Variants in TMA7 observed in about 807,000 individuals in gnomAD.
TMA7 encodes the protein translation machinery-associated protein 7.
In TMA7, 5 loss-of-function variants were observed where a neutral mutation model predicts 12.5. The ratio of observed to expected loss-of-function variants is 0.40; its 90% CI spans 0.21 to 0.84. The LOEUF (loss-of-function observed/expected upper bound fraction) is 0.84, where lower values mean the gene tolerates loss of function less well. Among genes scored for constraint, TMA7 ranks in the 40% least tolerant of loss-of-function variants. The pLI is 0.36. For missense variants in TMA7, 71 were observed against 75.4 expected (o/e 0.94, Z 0.22); for synonymous variants, 36 against 28.1 (o/e 1.28, Z -0.89).
intron 3 of TMA7, among the ~76,000 whole-genome samples, chr3:48,442,782 C>T (rs533484838): frequency 3.3e-5 from 5 of 152,214 alleles, no homozygotes; most frequent in South Asian, 2.1e-4. Flanking sequence ...TCGCCTACTG[C>T]GTTCCACATA....
In TMA7 at chr3:48,440,636, G is replaced by A; in HGVS notation, c.160+8G>A. On this transcript the variant is annotated splice_region_variant and intron_variant, in intron 3 of 3. Coordinates refer to ENST00000438607, the MANE Select transcript of TMA7 (RefSeq NM_015933.6). ...CGGGGAAGGGGCCCTTGGGTAAGTG[G>A]GGGCCGAATGGAGCTCAAGCTGGCC... The A allele has an allele frequency of 6.2e-7, 1 of 1,609,246 alleles. No individual in the cohort carries two copies. Among genetic ancestry groups the A allele is most frequent in the Non-Finnish European group, 8.5e-7 (1 of 1,178,706 alleles).
intron 3 of TMA7, among the ~76,000 whole-genome samples, chr3:48,443,194 T>C (rs1274361636): frequency 2.2e-5 from 3 of 134,736 alleles, no homozygotes; most frequent in African/African-American, 8.6e-5. Flanking sequence ...TGAGCCAAAA[T>C]TGCACCACCG....
intron 3 of TMA7, among the ~76,000 whole-genome samples, chr3:48,442,279 A>G (rs1575431328): frequency 7.0e-6 from 1 of 142,816 alleles, no homozygotes; most frequent in East Asian, 2.0e-4. Flanking sequence ...AAAAAAAAAA[A>G]GGTATCTTGC....
In TMA7 at chr3:48,444,035, A is replaced by G. The variant is rs1242095269; in HGVS notation, c.*153A>G. The G allele has an allele frequency of 5.4e-6, 3 of 551,644 alleles. No individual in the cohort carries two copies. The highest frequency in any genetic ancestry group is 4.3e-5 in the Admixed American group (1 of 23,112). 34.2% of individuals were successfully genotyped at this position (551,644 alleles called of 1,614,324 possible). ...TTTAAGAATAAACTTTTGTAAAAAA[A>G]GAAAAATCTTACAGTGGCTCATCAT... On this transcript the variant is annotated 3_prime_UTR_variant, in exon 4 of 4. Transcript: ENST00000438607.
intron 3 of TMA7, among the ~76,000 whole-genome samples, chr3:48,442,837 A>G (rs2039600387): frequency 6.6e-6 from 1 of 152,222 alleles, no homozygotes; most frequent in Non-Finnish European, 1.5e-5. Flanking sequence ...TGCCAGGATC[A>G]TAATATGGAA....
intron 3 of TMA7, among the ~76,000 whole-genome samples, chr3:48,442,736 C>T (rs1009233644): frequency 6.6e-6 from 1 of 152,146 alleles, no homozygotes; most frequent in Non-Finnish European, 1.5e-5. Flanking sequence ...AGGCGTGAGC[C>T]ACCGCGCCTG....
intron 3 of TMA7, among the ~76,000 whole-genome samples, chr3:48,441,916 C>G (rs905879066): frequency 2.0e-5 from 3 of 152,170 alleles, no homozygotes; most frequent in African/African-American, 7.2e-5. Flanking sequence ...ACTGAGATTT[C>G]TAGCTCTTGA....
chr3:48,442,022 C>G (rs1164462377), intron 3 of TMA7, among the ~76,000 whole-genome samples: 1 of 101,386 alleles, frequency 9.9e-6, no homozygotes, highest in African/African-American at 3.5e-5. Flanking sequence ...TTATTTAAGG[C>G]TAGGAGTTCA....
intron 3 of TMA7, 47 bp from the exon 4 acceptor site, chr3:48,443,801 C>T (rs537336702): frequency 1.3e-5 from 19 of 1,506,788 alleles, no homozygotes; most frequent in Admixed American, 7.5e-5. Flanking sequence ...GGGCTTCTAC[C>T]GTAAGAACTA....
rs778692219 is a variant in TMA7, at chr3:48,440,302, C to T, written c.6C>T (p.Ser2=). 22 of 1,606,926 alleles carry T rather than the reference C, an allele frequency of 1.4e-5. No homozygotes were observed. The highest frequency in any genetic ancestry group is 1.7e-5 in the Admixed American group (1 of 59,718). Reference sequence around the variant, plus strand: ...GGGAAGCGGCGGCAGGCGCCATGTCCGGCCGCGAAGGTAAGTGTTCCGGAA... The same window carrying T: ...GGGAAGCGGCGGCAGGCGCCATGTCTGGCCGCGAAGGTAAGTGTTCCGGAA... The part of the protein sequence containing the change: M[S]GREGGKKKPL... Residue 2 remains serine, a synonymous_variant, in exon 1 of 4, where the codon TCC becomes TCT. Transcript: ENST00000438607.
rs564122941 is a variant in TMA7 at position 48,440,742 on chromosome 3, A to C, written c.160+114A>C. 7 of 932,014 alleles carry C rather than the reference A, an allele frequency of 7.5e-6. No individual in the cohort carries two copies. In the East Asian group the frequency reaches 1.8e-4, roughly 25 times the overall value. The allele number at this position is 932,014 out of a possible 1,614,324, so 57.7% of individuals were successfully genotyped here. A position where few individuals can be genotyped will look rare whatever the true frequency, so the allele number is the denominator to read the frequency against. On this transcript the variant is annotated intron_variant, in intron 3 of 3. Coordinates refer to ENST00000438607, the MANE Select transcript of TMA7 (RefSeq NM_015933.6). ...CTGAACTGCGAGGTCTCGTTTTCCGACGTCCGCTGCAGCGAATGGTCTCTA... is the reference window on the plus strand; with the variant it reads ...CTGAACTGCGAGGTCTCGTTTTCCGCCGTCCGCTGCAGCGAATGGTCTCTA...
intron 3 of TMA7, 48 bp downstream of exon 3, chr3:48,440,676 C>G (rs777865828): frequency 5.8e-6 from 9 of 1,556,330 alleles, no homozygotes; most frequent in African/African-American, 2.7e-5. Flanking sequence ...GCTATGAGCA[C>G]CTATTGGGAT....
In TMA7 at chr3:48,443,975, G is replaced by A; in HGVS notation, c.*93G>A. ...GCCATAACATCTTTTGCCACGTATA[G>A]CTGGAATTAAGTGTTGTCTTGGAGC... On this transcript the variant is annotated 3_prime_UTR_variant, in exon 4 of 4. Transcript: ENST00000438607. 1 of 944,164 alleles carries A rather than the reference G, an allele frequency of 1.1e-6. No homozygotes were observed. Among genetic ancestry groups the A allele is most frequent in the Non-Finnish European group, 1.5e-6 (1 of 685,632 alleles). 58.5% of individuals were successfully genotyped at this position (944,164 alleles called of 1,614,324 possible). A position where few individuals can be genotyped will look rare whatever the true frequency, so the allele number is the denominator to read the frequency against.
chr3:48,440,764 T>C, intron 3 of TMA7, 136 bp downstream of exon 3: 1 of 763,344 alleles, frequency 1.3e-6, no homozygotes, highest in East Asian at 2.7e-5. Context: ...GCGAATGGTC[T>C]CTAGCCAGTC....
In TMA7 at chr3:48,444,022, C is replaced by T; in HGVS notation, c.*140C>T. On this transcript the variant is annotated 3_prime_UTR_variant, in exon 4 of 4. Transcript: ENST00000438607. ...GAGCTGTTGTACATTTAAGAATAAA[C>T]TTTTGTAAAAAAAGAAAAATCTTAC... The T allele has an allele frequency of 1.5e-6, 1 of 648,682 alleles. No homozygotes were observed. The highest frequency in any genetic ancestry group is 2.3e-6 in the Non-Finnish European group (1 of 438,258). The allele number at this position is 648,682 out of a possible 1,614,324, so 40.2% of individuals were successfully genotyped here.
At chr3:48,441,485 CT>C (rs35268029) in intron 3 of TMA7, among the ~76,000 whole-genome samples, 4,012 of 145,458 alleles carry the variant, frequency 0.028, 157 homozygotes, top group African/African-American at 0.093. Flanking sequence ...ACCTGGCCAA[CT>C]TTTTTTTTTT....
At chr3:48,440,338 T>TGCGGGGACG in intron 1 of TMA7, 26 bp downstream of exon 1, 2 of 1,611,828 alleles carry the variant, frequency 1.2e-6, no homozygotes, top group Non-Finnish European at 1.7e-6. Context: ...CCGTGAGGAC[T>TGCGGGGACG]GCGGGGACGG....
intron 3 of TMA7, among the ~76,000 whole-genome samples, chr3:48,442,773 C>T (rs562791865): frequency 1.3e-5 from 2 of 152,006 alleles, no homozygotes; most frequent in East Asian, 3.9e-4. Flanking sequence ...TTTCTTAAAT[C>T]GCCTACTGCG....
chr3:48,440,857 G>A lies in TMA7; in HGVS notation c.160+229G>A, dbSNP rs1013097714. On this transcript the variant is annotated intron_variant, in intron 3 of 3. Coordinates refer to ENST00000438607, the MANE Select transcript of TMA7 (RefSeq NM_015933.6). Reference sequence around the variant, plus strand: ...GGCAGTCTGGGCTTCCATTCCTTAGGAAGAGCTGCAGAAACGGAAACAGTG... The same window carrying A: ...GGCAGTCTGGGCTTCCATTCCTTAGAAAGAGCTGCAGAAACGGAAACAGTG... The A allele has an allele frequency of 3.4e-5, 20 of 589,442 alleles. No homozygotes were observed. The Admixed American group carries it at 3.4e-4, about 10-fold the overall frequency. 36.5% of individuals were successfully genotyped at this position (589,442 alleles called of 1,614,324 possible).
Sources: gnomAD v4.1 joint callset for allele counts (sites outside exome capture counted in the v4.1 genomes callset) on GRCh38, gnomAD v4.1.1 for gene constraint, MANE v1.5 for transcripts, NCBI Gene and HGNC (gene_info 2026-07-23, HGNC 2026-07-21) for gene names.